Variants in GALNT9 observed in about 807,000 individuals in gnomAD.
GALNT9 encodes polypeptide N-acetylgalactosaminyltransferase 9, also known as GalNAc transferase 9.
GALNT9 carries 47 observed loss-of-function variants against 63.1 expected under a neutral mutation model. The ratio of observed to expected loss-of-function variants is 0.75; its 90% CI spans 0.59 to 0.95. The LOEUF (loss-of-function observed/expected upper bound fraction) is 0.95. Ranked by LOEUF, GALNT9 falls within the 40% of genes least tolerant of loss-of-function variation. The probability of loss-of-function intolerance (pLI) is 0.00; values close to 1 mark genes in which losing one functional copy is unlikely to be tolerated. For missense variants in GALNT9, 829 were observed against 874.8 expected, an observed-to-expected ratio of 0.95 and a Z score of 0.66; for synonymous variants, 396 against 365.7, an observed-to-expected ratio of 1.08 and a Z score of -0.94.
In GALNT9 at chr12:132,296,711, C is replaced by A. The variant is rs1479892646; in HGVS notation, c.239-10281G>T. Among the ~76,000 whole-genome samples, 1 of 152,104 alleles carries A rather than the reference C, an allele frequency of 6.6e-6. No individual in the cohort carries two copies. Among genetic ancestry groups the A allele is most frequent in the Non-Finnish European group, 1.5e-5 (1 of 68,032 alleles). ...ACCATTCCTCAAATGTGGCAATTCA[C>A]AAGAAAAGACCTTATTTCTCACACT... is the stretch of plus-strand genomic sequence containing the variant. On this transcript the variant is annotated intron_variant, in intron 1 of 10. Coordinates refer to ENST00000328957, the MANE Select transcript of GALNT9 (RefSeq NM_001122636.2). The surrounding 1 kb of genome is among the most constrained non-coding windows in gnomAD (Gnocchi z 4.2).
rs181920928 is a variant in GALNT9, at chr12:132,327,537, C to T, written c.238+1429G>A. ...CATAAAACAGACCATAACACCATGG[C>T]GAGCACACTTCAATAGAGCCATGTG... On this transcript the variant is annotated intron_variant, in intron 1 of 10. Coordinates refer to ENST00000328957, the MANE Select transcript of GALNT9 (RefSeq NM_001122636.2). This position sits in a 1 kb window ranked among gnomAD's most constrained non-coding sequence, Gnocchi z 4.3. Among the ~76,000 whole-genome samples, 4 of 152,256 alleles carry T rather than the reference C, an allele frequency of 2.6e-5. No individual in the cohort carries two copies. The East Asian group carries it at 5.8e-4, about 22-fold the overall frequency.
At chr12:132,261,228 G>A in intron 3 of GALNT9, 106 bp from the exon 4 acceptor site, 5 of 1,499,818 alleles carry the variant, frequency 3.3e-6, no homozygotes, top group Non-Finnish European at 4.5e-6. Context: ...TGGGTGTATT[G>A]TAAACATTCT....
intron 9 of GALNT9, among the ~76,000 whole-genome samples, chr12:132,198,458 G>A (rs1403213356): frequency 7.0e-6 from 1 of 143,208 alleles, no homozygotes; most frequent in East Asian, 2.0e-4. Flanking sequence ...GCCTGGGCCT[G>A]TGCTGCAGGT....
At chr12:132,289,104 G>A (rs541196046) in intron 1 of GALNT9, among the ~76,000 whole-genome samples, 13 of 152,308 alleles carry the variant, frequency 8.5e-5, no homozygotes, top group African/African-American at 2.4e-4. Flanking sequence ...ACAGTCATGC[G>A]TGGCAATCCA....
At chr12:132,266,032 C>T (rs1362208895) in intron 2 of GALNT9, among the ~76,000 whole-genome samples, 2 of 149,462 alleles carry the variant, frequency 1.3e-5, no homozygotes, top group East Asian at 1.9e-4. Flanking sequence ...CCGACCTCGC[C>T]GTATTTCATC....
intron 1 of GALNT9, among the ~76,000 whole-genome samples, chr12:132,313,229 C>T (rs1881879196): frequency 6.8e-6 from 1 of 146,344 alleles, no homozygotes; most frequent in Non-Finnish European, 1.5e-5. Context: ...ACCCACCTGC[C>T]CATCCACCAA....
intron 2 of GALNT9, chr12:132,274,708 G>A (rs57196840): frequency 0.042 from 6,473 of 152,332 alleles, 133 homozygotes; most frequent in Middle Eastern, 0.065. Flanking sequence ...TTGTTTGAAC[G>A]TAACATTAAA....
chr12:132,200,507 A>G (rs1484820389), intron 8 of GALNT9: 1 of 152,502 alleles, frequency 6.6e-6, no homozygotes, highest in African/African-American at 2.4e-5. Context: ...GTGTACACAC[A>G]CACATTATTT....
intron 6 of GALNT9, among the ~76,000 whole-genome samples, chr12:132,213,245 C>A (rs202202089): frequency 1.9e-5 from 1 of 51,860 alleles, no homozygotes; most frequent in Non-Finnish European, 4.5e-5. Flanking sequence ...GACCTCGACA[C>A]GGAAACCCCA....
intron 1 of GALNT9, among the ~76,000 whole-genome samples, chr12:132,320,955 G>A (rs1405466201): frequency 6.6e-6 from 1 of 152,222 alleles, no homozygotes. Flanking sequence ...GCTGAGGAGG[G>A]AGGAGCTGGG....
chr12:132,269,329 G>A (rs1484390061), intron 2 of GALNT9, among the ~76,000 whole-genome samples: 3 of 152,256 alleles, frequency 2.0e-5, no homozygotes, highest in African/African-American at 7.2e-5. Context: ...TGCCCCCCGC[G>A]GGAGAAGAGC....
intron 6 of GALNT9, among the ~76,000 whole-genome samples, chr12:132,243,465 C>T (rs2136905574): frequency 7.0e-6 from 1 of 142,566 alleles, no homozygotes; most frequent in Non-Finnish European, 1.6e-5. Flanking sequence ...CCCACCTGGC[C>T]GACCTGAAGG....
intron 1 of GALNT9, among the ~76,000 whole-genome samples, chr12:132,317,943 C>T (rs1210705347): frequency 6.6e-6 from 1 of 152,218 alleles, no homozygotes; most frequent in African/African-American, 2.4e-5. Flanking sequence ...GGTTTATTTA[C>T]TTAAAAATAA....
At chr12:132,314,203 CCCAT>C (rs1868402386) in intron 1 of GALNT9, among the ~76,000 whole-genome samples, 1 of 146,556 alleles carries the variant, frequency 6.8e-6, no homozygotes, top group Middle Eastern at 3.6e-3. Context: ...CACCCACCCA[CCCAT>C]CCATTTATCC....
At chr12:132,244,712 T>G (rs1407198333) in intron 6 of GALNT9, among the ~76,000 whole-genome samples, 6 of 12,274 alleles carry the variant, frequency 4.9e-4, no homozygotes, top group Non-Finnish European at 5.6e-4. Flanking sequence ...CGGGGGGGCG[T>G]GGTGATGGGG....
rs143940163 is a variant in GALNT9 at position 132,306,775 on chromosome 12, T to G, written c.239-20345A>C. ...GAACACAAGGCTCCCTCCCCGCCAT[T>G]CATCATCACTGCGGTAATGGAAAAG... On this transcript the variant is annotated intron_variant, in intron 1 of 10. Transcript: ENST00000328957. Among the ~76,000 whole-genome samples, 621 of 152,332 alleles carry G rather than the reference T, an allele frequency of 4.1e-3. 4 individuals are homozygous for G. The highest frequency in any genetic ancestry group is 0.014 in the African/African-American group (592 of 41,564).
At chr12:132,210,781 T>A (rs1235103285) in intron 6 of GALNT9, among the ~76,000 whole-genome samples, 1 of 151,236 alleles carries the variant, frequency 6.6e-6, no homozygotes, top group Non-Finnish European at 1.5e-5. Context: ...TTGGTCGCCA[T>A]CTGGAGGTCG....
intron 1 of GALNT9, among the ~76,000 whole-genome samples, chr12:132,318,144 AG>A (rs1164248261): frequency 6.6e-6 from 1 of 152,202 alleles, no homozygotes; most frequent in East Asian, 1.9e-4. Context: ...CGGGAGGCTG[AG>A]GCAGGAGAAC....
chr12:132,203,736 C>T (rs773988316), intron 6 of GALNT9, 46 bp from the exon 7 acceptor site: 24 of 1,569,994 alleles, frequency 1.5e-5, no homozygotes, highest in African/African-American at 2.7e-5. Context: ...CCAACGGAAG[C>T]GGGCAGCCCG....
Sources: gnomAD v4.1 joint callset for allele counts (sites outside exome capture counted in the v4.1 genomes callset) on GRCh38, gnomAD v4.1.1 for gene constraint, Gnocchi (gnomAD v3.1) non-coding constraint, MANE v1.5 for transcripts, NCBI Gene and HGNC (gene_info 2026-07-23, HGNC 2026-07-21) for gene names.